Variants in BATF observed in about 807,000 individuals in gnomAD.
The protein encoded by BATF is basic leucine zipper transcriptional factor ATF-like.
A neutral mutation model predicts 13.7 loss-of-function variants in BATF; 5 were observed. The ratio of observed to expected loss-of-function variants is 0.36; its 90% CI spans 0.19 to 0.77. The LOEUF (loss-of-function observed/expected upper bound fraction) is 0.77, where lower values mean the gene tolerates loss of function less well. Ranked by LOEUF, BATF falls within the 30% of genes least tolerant of loss-of-function variation. The pLI is 0.51. For missense variants in BATF, 124 were observed against 163.0 expected (o/e 0.76, Z 1.30); for synonymous variants, 72 against 67.5 (o/e 1.07, Z -0.33).
chr14:75,522,537 A>G lies in BATF; in HGVS notation c.-146A>G, dbSNP rs1887585811. 1.3e-6 allele frequency: 1 copy of G among 769,802 alleles called. No individual in the cohort carries two copies. The highest frequency in any genetic ancestry group is 2.2e-6 in the Non-Finnish European group (1 of 456,016). 47.7% of individuals were successfully genotyped at this position (769,802 alleles called of 1,614,324 possible). On this transcript the variant is annotated 5_prime_UTR_variant, in exon 1 of 3. Transcript: ENST00000286639. Reference sequence around the variant, plus strand: ...CCAGAGTGAGGAGGACGCAGGGGTCAGAGGTGGCTACAGGGCAGGCAGAGG... The same window carrying G: ...CCAGAGTGAGGAGGACGCAGGGGTCGGAGGTGGCTACAGGGCAGGCAGAGG...
intron 2 of BATF, among the ~76,000 whole-genome samples, chr14:75,543,709 G>A (rs1887937692): frequency 6.6e-6 from 1 of 151,726 alleles, no homozygotes; most frequent in Non-Finnish European, 1.5e-5. Context: ...TGTAGATACT[G>A]GGTCTCAATA....
At chr14:75,527,157 C>A (rs1244061541) in intron 2 of BATF, among the ~76,000 whole-genome samples, 1 of 151,738 alleles carries the variant, frequency 6.6e-6, no homozygotes, top group Non-Finnish European at 1.5e-5. Context: ...TTTAAAGAGC[C>A]CAACACAATG....
At chr14:75,541,863 C>A (rs572849675) in intron 2 of BATF, among the ~76,000 whole-genome samples, 1 of 152,280 alleles carries the variant, frequency 6.6e-6, no homozygotes, top group South Asian at 2.1e-4. Flanking sequence ...AGGGCTTCAC[C>A]ATGCTGGCCA....
intron 2 of BATF, among the ~76,000 whole-genome samples, chr14:75,525,557 G>A (rs1887640396): frequency 6.6e-6 from 1 of 151,606 alleles, no homozygotes; most frequent in Admixed American, 6.6e-5. Context: ...CCAGCTACTT[G>A]GGAGGCTGAG....
intron 1 of BATF, among the ~76,000 whole-genome samples, chr14:75,524,840 C>G (rs1250947618): frequency 6.6e-6 from 1 of 151,258 alleles, no homozygotes; most frequent in Non-Finnish European, 1.5e-5. Context: ...ATTGAGTCCT[C>G]AAGTTCTCTT....
At chr14:75,528,382 C>G (rs1249561871) in intron 2 of BATF, among the ~76,000 whole-genome samples, 2 of 152,180 alleles carry the variant, frequency 1.3e-5, no homozygotes, top group Admixed American at 6.5e-5. Flanking sequence ...GGGATGCTTA[C>G]TATTCGACAT....
intron 2 of BATF, among the ~76,000 whole-genome samples, chr14:75,538,394 G>A (rs1308912119): frequency 6.6e-6 from 1 of 152,192 alleles, no homozygotes; most frequent in Non-Finnish European, 1.5e-5. Flanking sequence ...TGGCATCCAG[G>A]AATCCAGACT....
chr14:75,541,202 C>A (rs1486343446), intron 2 of BATF, among the ~76,000 whole-genome samples: 1 of 152,178 alleles, frequency 6.6e-6, no homozygotes, highest in Non-Finnish European at 1.5e-5. Context: ...ACACCTTAGA[C>A]CTATTAGATC....
At chr14:75,537,022 C>T (rs182141704) in intron 2 of BATF, among the ~76,000 whole-genome samples, 122 of 151,858 alleles carry the variant, frequency 8.0e-4, no homozygotes, top group African/African-American at 2.7e-3. Context: ...GATATATTAT[C>T]CTACATGAAC....
intron 2 of BATF, among the ~76,000 whole-genome samples, chr14:75,544,926 T>C (rs898045318): frequency 5.3e-5 from 8 of 151,978 alleles, no homozygotes; most frequent in African/African-American, 1.9e-4. Flanking sequence ...AATTGCGATC[T>C]CCTGGGCTTT....
chr14:75,540,654 T>A (rs536396928), intron 2 of BATF, among the ~76,000 whole-genome samples: 1 of 152,348 alleles, frequency 6.6e-6, no homozygotes, highest in East Asian at 1.9e-4. Context: ...GTGACTTAAC[T>A]TCTCTGTTCC....
chr14:75,545,840 G>A (rs1016857434), intron 2 of BATF, among the ~76,000 whole-genome samples: 2 of 151,900 alleles, frequency 1.3e-5, no homozygotes, highest in Non-Finnish European at 2.9e-5. Context: ...CCCTCTATCA[G>A]GTTGAACCAT....
At chr14:75,531,937 A>G (rs1232742616) in intron 2 of BATF, among the ~76,000 whole-genome samples, 1 of 152,154 alleles carries the variant, frequency 6.6e-6, no homozygotes, top group Non-Finnish European at 1.5e-5. Context: ...TAAAAAGTTC[A>G]ATGTAGAATC....
chr14:75,522,522 G>A lies in BATF; in HGVS notation c.-161G>A, dbSNP rs550743913. ...CAGTCCCTCTGCACCCCAGAGTGAG[G>A]AGGACGCAGGGGTCAGAGGTGGCTA... On this transcript the variant is annotated 5_prime_UTR_variant, in exon 1 of 3. Transcript: ENST00000286639. 3.7e-5 allele frequency: 25 copies of A among 674,844 alleles called. No individual in the cohort carries two copies. The East Asian group carries it at 6.8e-4, about 18-fold the overall frequency. 41.8% of individuals were successfully genotyped at this position (674,844 alleles called of 1,614,324 possible). A position where few individuals can be genotyped will look rare whatever the true frequency, so the allele number is the denominator to read the frequency against.
At chr14:75,545,158 G>A (rs183749386) in intron 2 of BATF, among the ~76,000 whole-genome samples, 14 of 152,156 alleles carry the variant, frequency 9.2e-5, no homozygotes, top group African/African-American at 3.4e-4. Flanking sequence ...CTGGTAGGCC[G>A]GACAGGGTGG....
intron 2 of BATF, among the ~76,000 whole-genome samples, chr14:75,540,678 T>C (rs1417138988): frequency 6.6e-6 from 1 of 152,256 alleles, no homozygotes; most frequent in Non-Finnish European, 1.5e-5. Flanking sequence ...GTTTTTCCTC[T>C]TCTGTAAAAC....
At chr14:75,544,302 C>T (rs1479455607) in intron 2 of BATF, among the ~76,000 whole-genome samples, 12 of 151,886 alleles carry the variant, frequency 7.9e-5, no homozygotes, top group African/African-American at 1.9e-4. Context: ...TGGTGGCTCA[C>T]GCCTGTAATC....
chr14:75,530,131 A>G (rs1046664354), intron 2 of BATF, among the ~76,000 whole-genome samples: 1 of 152,152 alleles, frequency 6.6e-6, no homozygotes, highest in Admixed American at 6.5e-5. Context: ...GAAAAGAGAA[A>G]TAAGTGGCAA....
rs372861248 is a variant in BATF, at chr14:75,546,518, C to T, written c.225C>T (p.Leu75=). The T allele has an allele frequency of 3.7e-5, 59 of 1,614,062 alleles. No individual in the cohort carries two copies. The Middle Eastern group carries it at 9.9e-4, about 27-fold the overall frequency. ...NAALRKEIKQ[L]TEELKYFTSV... ...CTCTACGCAAGGAGATCAAGCAGCTCACAGAGGAACTGAAGTACTTCACGT... is the reference window on the plus strand; with the variant it reads ...CTCTACGCAAGGAGATCAAGCAGCTTACAGAGGAACTGAAGTACTTCACGT... Residue 75 remains leucine (L), a synonymous_variant, in exon 3 of 3, where the codon CTC becomes CTT. Transcript: ENST00000286639.
Sources: allele counts gnomAD v4.1 joint callset (sites outside exome capture counted in the v4.1 genomes callset), GRCh38; gene constraint gnomAD v4.1.1; transcripts MANE v1.5; gene names NCBI Gene and HGNC (gene_info 2026-07-23, HGNC 2026-07-21).